Variants in ZNRF3 observed in about 807,000 individuals in gnomAD.
The protein encoded by ZNRF3 is zinc and ring finger 3, also known as E3 ubiquitin-protein ligase ZNRF3.
Under a neutral mutation model 72.5 loss-of-function variants are expected in ZNRF3, and 23 were observed. The ratio of observed to expected loss-of-function variants is 0.32; its 90% CI spans 0.23 to 0.45. ZNRF3 has a LOEUF of 0.45. ZNRF3 is among the 20% of genes least tolerant of loss of function. ZNRF3 has a pLI of 1.00. For synonymous variants in ZNRF3, 610 were observed against 545.3 expected, an observed-to-expected ratio of 1.12 and a Z score of -1.65; for missense variants, 1,169 against 1,272.1, an observed-to-expected ratio of 0.92 and a Z score of 1.23.
At chr22:28,939,024 C>T (rs1018783443) in intron 1 of ZNRF3, among the ~76,000 whole-genome samples, 3 of 152,186 alleles carry the variant, frequency 2.0e-5, no homozygotes, top group Non-Finnish European at 2.9e-5. Flanking sequence ...GTGGCTCATG[C>T]CTGTAATCCC....
At chr22:29,027,496 G>T (rs770860470) in intron 2 of ZNRF3, among the ~76,000 whole-genome samples, 1 of 152,052 alleles carries the variant, frequency 6.6e-6, no homozygotes, top group Non-Finnish European at 1.5e-5. Context: ...TTATCTGCCC[G>T]CCTCGGCCTC....
At position 29,049,651 on chromosome 22, in the gene ZNRF3, C is replaced by G; in HGVS notation, c.1470C>G (p.Leu490=). 2.5e-6 allele frequency: 4 copies of G among 1,610,116 alleles called. No homozygotes were observed. Among genetic ancestry groups the G allele is most frequent in the East Asian group, 2.2e-5 (1 of 44,850 alleles). ...PEQEGQSPPS[L]APRGPARAFP... ...AGGAGGGGCAGTCCCCACCTAGCCT[C>G]GCACCCCGGGGCCCGGCCCGTGCCT... The change falls in exon 8 of 9, where the codon CTC becomes CTG. Residue 490 remains leucine, a synonymous_variant. Coordinates refer to ENST00000544604, the MANE Select transcript of ZNRF3 (RefSeq NM_001206998.2). The surrounding 1 kb of genome is among the most constrained non-coding windows in gnomAD (Gnocchi z 5.2).
At chr22:29,036,478 C>G (rs114436390) in intron 2 of ZNRF3, among the ~76,000 whole-genome samples, 1,680 of 152,308 alleles carry the variant, frequency 0.011, 39 homozygotes, top group African/African-American at 0.039. Context: ...GAGTTACTCT[C>G]AAACTCACTT....
At chr22:28,981,410 C>T (rs1042399104) in intron 1 of ZNRF3, among the ~76,000 whole-genome samples, 3 of 152,136 alleles carry the variant, frequency 2.0e-5, no homozygotes, top group African/African-American at 4.8e-5. Flanking sequence ...AGGCTGGTCT[C>T]GAACTCCTGG....
At chr22:29,040,028 G>GTCA (rs1295030183) in intron 2 of ZNRF3, among the ~76,000 whole-genome samples, 1 of 152,146 alleles carries the variant, frequency 6.6e-6, no homozygotes, top group African/African-American at 2.4e-5. Flanking sequence ...TTTCAGCTGT[G>GTCA]TCATCAGCAT....
chr22:28,954,265 C>T (rs964282737), intron 1 of ZNRF3, among the ~76,000 whole-genome samples: 6 of 152,148 alleles, frequency 3.9e-5, no homozygotes, highest in South Asian at 2.1e-4. Flanking sequence ...CCAGCATGGT[C>T]GGGTTCTGGT....
At position 28,919,356 on chromosome 22, in the gene ZNRF3, T is replaced by C. The variant is rs530682965; in HGVS notation, c.300+35290T>C. On this transcript the variant is annotated intron_variant, in intron 1 of 8. Coordinates refer to ENST00000544604, the MANE Select transcript of ZNRF3 (RefSeq NM_001206998.2). ...TTGTTGGCTTTTGCCAGGTATTGGG[T>C]TAAGCACCCAACATTAATGATCTCA... Among the ~76,000 whole-genome samples, 6 of 152,296 alleles carry C rather than the reference T, an allele frequency of 3.9e-5. No individual in the cohort carries two copies. In the South Asian group the frequency reaches 8.3e-4, roughly 21 times the overall value.
intron 2 of ZNRF3, among the ~76,000 whole-genome samples, chr22:29,020,454 T>A (rs1189779401): frequency 6.6e-6 from 1 of 151,860 alleles, no homozygotes; most frequent in East Asian, 1.9e-4. Flanking sequence ...ACAGACGGGC[T>A]TTCACCATGC....
intron 2 of ZNRF3, among the ~76,000 whole-genome samples, chr22:29,010,110 C>T (rs771280906): frequency 3.9e-5 from 6 of 151,938 alleles, no homozygotes; most frequent in Non-Finnish European, 4.4e-5. Context: ...GGGGTTTCAC[C>T]GTGTCTGCCA....
intron 1 of ZNRF3, among the ~76,000 whole-genome samples, chr22:28,937,207 ATATATATATTTTTTTT>A (rs1350700949): frequency 3.1e-3 from 9 of 2,872 alleles, no homozygotes; most frequent in Admixed American, 7.9e-3. Flanking sequence ...ATATATATAT[ATATATATATTTTTTTT>A]TTTTTTTTTT....
chr22:28,981,360 C>G (rs1224192247), intron 1 of ZNRF3, among the ~76,000 whole-genome samples: 5 of 152,046 alleles, frequency 3.3e-5, no homozygotes, highest in Non-Finnish European at 7.4e-5. Flanking sequence ...TCTTTTTTAT[C>G]TTTTTAAAAA....
In ZNRF3 at chr22:29,049,502, TC is replaced by T; in HGVS notation, c.1325del (p.Pro442GlnfsTer10). ...CTGCGGCCTGGAGCACCGGGCCTAC[TC>T]CCCAGCCCACCCCTTCCGCAGGCCC... ...HRCGLEHRAY[S>X]PAHPFRRPKL... On this transcript the variant is annotated frameshift_variant, in exon 8 of 9. Transcript: ENST00000544604. LOFTEE classifies it high-confidence loss of function. The surrounding 1 kb of genome is among the most constrained non-coding windows in gnomAD (Gnocchi z 5.2). 6.2e-7 allele frequency: 1 copy of T among 1,604,528 alleles called. No individual in the cohort carries two copies.
In ZNRF3 at chr22:29,050,733, G is replaced by A. The variant is rs1267016863; in HGVS notation, c.2552G>A (p.Ser851Asn). The A allele has an allele frequency of 2.5e-6, 4 of 1,610,604 alleles. No individual in the cohort carries two copies. The highest frequency in any genetic ancestry group is 3.4e-6 in the Non-Finnish European group (4 of 1,178,734). ...GLPSDCQGTH[S>N]LGSWGGTRGP... ...CCCTCGGACTGCCAAGGGACCCACA[G>A]CCTCGGCTCCTGGGGTGGGACGCGA... is the stretch of plus-strand genomic sequence containing the variant. The change falls in exon 8 of 9, where the codon AGC (serine) becomes AAC (asparagine). Residue 851 changes from serine to asparagine, a missense_variant. This residue lies in a region of ZNRF3 where 783 missense variants were observed against 731.4 expected (regional missense o/e 1.07). Transcript: ENST00000544604.
Position 29,050,247 on chromosome 22 carries a change from C to T in ZNRF3, c.2066C>T (p.Ala689Val). Residue 689 changes from alanine (A) to valine (V), a missense_variant, in exon 8 of 9, where the codon GCT (alanine) becomes GTT (valine). Coordinates refer to ENST00000544604, the MANE Select transcript of ZNRF3 (RefSeq NM_001206998.2). Reference protein sequence around the residue: ...NSSTSEVGLEASPGAAPDLRR... With the variant: ...NSSTSEVGLEVSPGAAPDLRR... ...TCTACCTCAGAAGTGGGGCTCGAGG[C>T]TTCTCCTGGGGCCGCCCCTGACCTC... 6.3e-7 allele frequency: 1 copy of T among 1,599,050 alleles called. No homozygotes were observed.
chr22:28,973,953 C>CTTTTTTTTTTTTTTTTTTTTTTTTTTT, intron 1 of ZNRF3, among the ~76,000 whole-genome samples: 1 of 111,474 alleles, frequency 9.0e-6, no homozygotes, highest in Non-Finnish European at 1.8e-5. Flanking sequence ...CTCTCTCTCT[C>CTTTTTTTTTTTTTTTTTTTTTTTTTTT]TTTTTTTTTT....
intron 1 of ZNRF3, among the ~76,000 whole-genome samples, chr22:28,947,543 T>G (rs1191202003): frequency 6.6e-6 from 1 of 152,254 alleles, no homozygotes; most frequent in East Asian, 1.9e-4. Context: ...CTTTTTATTA[T>G]GGCCATCCTA....
At chr22:28,972,710 A>G (rs1024489071) in intron 1 of ZNRF3, among the ~76,000 whole-genome samples, 1 of 152,220 alleles carries the variant, frequency 6.6e-6, no homozygotes, top group Non-Finnish European at 1.5e-5. Flanking sequence ...TGGCTGCTCC[A>G]TTCTGCGTTG....
chr22:28,996,980 C>T (rs1323069964), intron 2 of ZNRF3, among the ~76,000 whole-genome samples: 1 of 152,156 alleles, frequency 6.6e-6, no homozygotes, highest in Non-Finnish European at 1.5e-5. Context: ...TCTGTATTTC[C>T]TGGGATACCT....
chr22:28,945,306 A>T (rs1477678252), intron 1 of ZNRF3, among the ~76,000 whole-genome samples: 1 of 152,212 alleles, frequency 6.6e-6, no homozygotes, highest in Non-Finnish European at 1.5e-5. Context: ...TACTGTGCAG[A>T]CATCTAGATT....
Sources: allele counts gnomAD v4.1 joint callset (sites outside exome capture counted in the v4.1 genomes callset), GRCh38; gene constraint gnomAD v4.1.1; regional missense constraint gnomAD v4.1.1; non-coding constraint Gnocchi (gnomAD v3.1); transcripts MANE v1.5; gene names NCBI Gene and HGNC (gene_info 2026-07-23, HGNC 2026-07-21).